The following PBX3 variants were observed in gnomAD, a reference collection of about 807,000 sequenced individuals.
PBX3 encodes the protein PBX homeobox 3, also known as pre-B-cell leukemia transcription factor 3.
Under a neutral mutation model 48.5 loss-of-function variants are expected in PBX3, and 14 were observed. The observed-to-expected ratio is 0.29, with a 90% CI of 0.19 to 0.45. The LOEUF (loss-of-function observed/expected upper bound fraction) is 0.45, where lower values mean the gene tolerates loss of function less well. Ranked by LOEUF, PBX3 falls within the 20% of genes least tolerant of loss-of-function variation. The pLI is 1.00. For synonymous variants in PBX3, 210 were observed against 200.3 expected, an observed-to-expected ratio of 1.05 and a Z score of -0.41; for missense variants, 386 against 546.7, an observed-to-expected ratio of 0.71 and a Z score of 2.93.
intron 2 of PBX3, among the ~76,000 whole-genome samples, chr9:125,871,380 CA>C (rs34035290): frequency 1.1e-3 from 144 of 127,570 alleles, no homozygotes; most frequent in African/African-American, 2.1e-3. Flanking sequence ...GACTCCGTCT[CA>C]AAAAAAAAAA....
At chr9:125,799,535 T>G (rs1397839080) in intron 2 of PBX3, among the ~76,000 whole-genome samples, 3 of 152,184 alleles carry the variant, frequency 2.0e-5, no homozygotes, top group African/African-American at 4.8e-5. Context: ...AACCTCTTAT[T>G]TTAGGAAGGG....
At chr9:125,784,626 T>A (rs1837413119) in intron 2 of PBX3, among the ~76,000 whole-genome samples, 1 of 152,194 alleles carries the variant, frequency 6.6e-6, no homozygotes, top group South Asian at 2.1e-4. Flanking sequence ...AAGTCTCTGT[T>A]CCATTAGCTT....
At chr9:125,869,863 T>A (rs1036210554) in intron 2 of PBX3, among the ~76,000 whole-genome samples, 1 of 152,108 alleles carries the variant, frequency 6.6e-6, no homozygotes, top group Non-Finnish European at 1.5e-5. Context: ...GTAAAAATTT[T>A]TGGTAAAATT....
At position 125,874,246 on chromosome 9, in the gene PBX3, A is replaced by G. The variant is rs769585978; in HGVS notation, c.275-41440A>G. 1.3e-3 allele frequency among the ~76,000 whole-genome samples: 204 copies of G among 152,296 alleles called. 1 individual carries two copies. The highest frequency in any genetic ancestry group is 4.6e-3 in the African/African-American group (193 of 41,586). On this transcript the variant is annotated intron_variant, in intron 2 of 8. Coordinates refer to ENST00000373489, the MANE Select transcript of PBX3 (RefSeq NM_006195.6). ...AACATCAGGACCAGAGGATTTTTCT[A>G]TGGAATTCTAAACATTCAATGAATT...
chr9:125,882,141 G>C (rs1840397220), intron 2 of PBX3, among the ~76,000 whole-genome samples: 1 of 151,988 alleles, frequency 6.6e-6, no homozygotes, highest in Non-Finnish European at 1.5e-5. Context: ...GAGGTGGGAG[G>C]GTTGCTTGAA....
chr9:125,849,969 G>A (rs1003310717), intron 2 of PBX3, among the ~76,000 whole-genome samples: 32 of 152,012 alleles, frequency 2.1e-4, no homozygotes, highest in African/African-American at 6.7e-4. Context: ...GAAGAATTAC[G>A]TATTATGTAC....
intron 4 of PBX3, among the ~76,000 whole-genome samples, chr9:125,931,006 G>A (rs1288772074): frequency 6.6e-6 from 1 of 152,096 alleles, no homozygotes; most frequent in Non-Finnish European, 1.5e-5. Context: ...AAAATGCCAA[G>A]CTCACTATGG....
intron 3 of PBX3, among the ~76,000 whole-genome samples, chr9:125,924,649 G>A (rs1461803484): frequency 6.6e-6 from 1 of 152,094 alleles, no homozygotes; most frequent in East Asian, 1.9e-4. Flanking sequence ...CAGGTTTACT[G>A]AATTATGCAT....
chr9:125,781,144 G>A (rs915820366), intron 2 of PBX3, among the ~76,000 whole-genome samples: 100 of 150,962 alleles, frequency 6.6e-4, no homozygotes, highest in Admixed American at 2.6e-3. Context: ...CTGCAATCTC[G>A]GCACTTTTGG....
intron 2 of PBX3, among the ~76,000 whole-genome samples, chr9:125,790,264 T>TC (rs1837563553): frequency 1.3e-5 from 2 of 152,026 alleles, no homozygotes; most frequent in South Asian, 4.1e-4. Context: ...CTTTCTTTTT[T>TC]TTTTTTTTGA....
chr9:125,792,069 C>T (rs1010973866), intron 2 of PBX3, among the ~76,000 whole-genome samples: 20 of 137,344 alleles, frequency 1.5e-4, no homozygotes, highest in African/African-American at 6.5e-4. Context: ...CACGCACGCA[C>T]GCACGCATAT....
intron 5 of PBX3, among the ~76,000 whole-genome samples, chr9:125,954,764 C>T (rs953298928): frequency 2.0e-5 from 3 of 152,134 alleles, no homozygotes; most frequent in Non-Finnish European, 4.4e-5. Flanking sequence ...GTCTCAATCT[C>T]CTGACCTCGT....
chr9:125,961,957 C>A (rs1842438682), intron 6 of PBX3, 145 bp from the exon 7 acceptor site: 2 of 475,130 alleles, frequency 4.2e-6, no homozygotes, highest in African/African-American at 2.0e-5. Flanking sequence ...TCTGGAGTTA[C>A]TCTCCATCCT....
At chr9:125,962,770 G>A (rs1288902884) in intron 7 of PBX3, among the ~76,000 whole-genome samples, 3 of 152,174 alleles carry the variant, frequency 2.0e-5, no homozygotes, top group Non-Finnish European at 4.4e-5. Flanking sequence ...TTTGGTTGCT[G>A]TAGATGGAAA....
intron 2 of PBX3, among the ~76,000 whole-genome samples, chr9:125,770,398 A>G (rs1178425355): frequency 6.6e-6 from 1 of 152,190 alleles, no homozygotes; most frequent in African/African-American, 2.4e-5. Context: ...TAGTTTTTGA[A>G]GGGGAATATA....
intron 2 of PBX3, among the ~76,000 whole-genome samples, chr9:125,880,539 T>C (rs1248644825): frequency 6.6e-6 from 1 of 152,196 alleles, no homozygotes; most frequent in African/African-American, 2.4e-5. Flanking sequence ...CTGACAGTAA[T>C]GTTCTTGTAA....
At chr9:125,774,834 A>G (rs1023447026) in intron 2 of PBX3, among the ~76,000 whole-genome samples, 1 of 151,584 alleles carries the variant, frequency 6.6e-6, no homozygotes, top group African/African-American at 2.4e-5. Context: ...TAGTAGGTCT[A>G]TCATTTTACA....
rs1453619132 is a variant in PBX3, at chr9:125,748,534, G to A, written c.201-16G>A. The A allele has an allele frequency of 2.0e-5, 32 of 1,612,816 alleles. No homozygotes were observed. Among genetic ancestry groups the A allele is most frequent in the Non-Finnish European group, 2.6e-5 (31 of 1,179,166 alleles). On this transcript the variant is annotated splice_polypyrimidine_tract_variant and intron_variant, in intron 1 of 8. Coordinates refer to ENST00000373489, the MANE Select transcript of PBX3 (RefSeq NM_006195.6). The stretch of plus-strand genomic sequence containing the variant: ...GGTGATGCTAATACCTTTGTGTTTC[G>A]TTATTTGTTTTTTAGGAAACATGCC...
chr9:125,805,060 A>G (rs1319274840), intron 2 of PBX3, among the ~76,000 whole-genome samples: 1 of 152,044 alleles, frequency 6.6e-6, no homozygotes, highest in Non-Finnish European at 1.5e-5. Context: ...ATATCAACAG[A>G]CTGATGAAAG....
Sources: gnomAD v4.1 joint callset for allele counts (sites outside exome capture counted in the v4.1 genomes callset) on GRCh38, gnomAD v4.1.1 for gene constraint, MANE v1.5 for transcripts, NCBI Gene and HGNC (gene_info 2026-07-23, HGNC 2026-07-21) for gene names.